The following PIWIL1 variants were observed in gnomAD, a reference collection of about 807,000 sequenced individuals.
The protein encoded by PIWIL1 is piwi-like protein 1.
In PIWIL1, 73 loss-of-function variants were observed where a neutral mutation model predicts 114.4. The ratio of observed to expected loss-of-function variants is 0.64; its 90% CI spans 0.53 to 0.78. PIWIL1 has a LOEUF of 0.78. Ranked by LOEUF, PIWIL1 falls within the 30% of genes least tolerant of loss-of-function variation. The probability of loss-of-function intolerance (pLI) is 0.00; values close to 1 mark genes in which losing one functional copy is unlikely to be tolerated. For missense variants in PIWIL1, 723 were observed against 1,063.1 expected (o/e 0.68, Z 4.45); for synonymous variants, 375 against 369.0 (o/e 1.02, Z -0.19).
At chr12:130,363,942 T>A (rs2073586524) in intron 18 of PIWIL1, among the ~76,000 whole-genome samples, 1 of 152,182 alleles carries the variant, frequency 6.6e-6, no homozygotes, top group African/African-American at 2.4e-5. Flanking sequence ...TTAAGGAATG[T>A]GGACAGCCGA....
rs2073558498 is a variant in PIWIL1, at chr12:130,363,055, T to C, written c.2106T>C (p.Asp702=). ...YMPSRIIVYR[D]GVGDGQLKTL... ...CCAGCCGGATCATCGTGTACCGCGA[T>C]GGCGTAGGAGACGGCCAGCTGAAAA... The change falls in exon 18 of 21, where the codon GAT becomes GAC. Residue 702 remains aspartate, a synonymous_variant. Coordinates refer to ENST00000245255, the MANE Select transcript of PIWIL1 (RefSeq NM_004764.5). The C allele has an allele frequency of 1.2e-6, 2 of 1,614,136 alleles. No homozygotes were observed. Among genetic ancestry groups the C allele is most frequent in the African/African-American group, 1.3e-5 (1 of 74,956 alleles).
chr12:130,422,812 T>G, the PIWIL1 span, among the ~76,000 whole-genome samples: 1 of 152,084 alleles, frequency 6.6e-6, no homozygotes, highest in Non-Finnish European at 1.5e-5. The surrounding 1 kb of genome is among the most constrained non-coding windows in gnomAD (Gnocchi z 5.2). Flanking sequence ...GGGGTCTCTT[T>G]TGGTTGCTGC....
intron 18 of PIWIL1, 77 bp from the exon 19 acceptor site, chr12:130,367,056 C>T (rs73450265): frequency 6.6e-7 from 1 of 1,518,994 alleles, no homozygotes. Context: ...TTAAATGGAG[C>T]ATGTGAACAC....
the PIWIL1 span, among the ~76,000 whole-genome samples, chr12:130,389,156 C>A: frequency 1.3e-5 from 2 of 152,026 alleles, no homozygotes; most frequent in Non-Finnish European, 2.9e-5. Context: ...CTGAGATAAA[C>A]TAACTTGGTT....
chr12:130,357,211 T>C lies in PIWIL1; in HGVS notation c.1592+106T>C, dbSNP rs1106043. ...ACGTTATCTTAATTGAAAGGTTTGATGTGGCTCCCTGTAATGCAGATAAAC... is the reference window on the plus strand; with the variant it reads ...ACGTTATCTTAATTGAAAGGTTTGACGTGGCTCCCTGTAATGCAGATAAAC... On this transcript the variant is annotated intron_variant, in intron 13 of 20. Transcript: ENST00000245255. The C allele has an allele frequency of 0.023, 20,346 of 898,802 alleles. 2,665 individuals are homozygous for C. In the African/African-American group the frequency reaches 0.29, roughly 13 times the overall value. The allele number at this position is 898,802 out of a possible 1,614,324, so 55.7% of individuals were successfully genotyped here.
the PIWIL1 span, among the ~76,000 whole-genome samples, chr12:130,402,869 T>G: frequency 6.6e-6 from 1 of 152,212 alleles, no homozygotes; most frequent in Non-Finnish European, 1.5e-5. Flanking sequence ...ATTTAAGGTT[T>G]CAGATACCGA....
chr12:130,338,852 G>A (rs2072804321), intron 1 of PIWIL1, among the ~76,000 whole-genome samples: 1 of 122,378 alleles, frequency 8.2e-6, no homozygotes, highest in Non-Finnish European at 1.7e-5. Flanking sequence ...TGTAGGGCCG[G>A]GGTGCGGGGG....
the PIWIL1 span, chr12:130,414,631 GC>G: frequency 4.4e-6 from 1 of 225,968 alleles, no homozygotes; most frequent in African/African-American, 2.3e-5. Flanking sequence ...ATGCTGGGGA[GC>G]CTTCCCAGGA....
chr12:130,381,694 G>A, the PIWIL1 span, among the ~76,000 whole-genome samples: 451 of 152,280 alleles, frequency 3.0e-3, 2 homozygotes, highest in South Asian at 7.5e-3. Context: ...AGTGTGCTTC[G>A]TAAGGTAAGA....
At chr12:130,384,135 G>A in the PIWIL1 span, among the ~76,000 whole-genome samples, 1 of 152,224 alleles carries the variant, frequency 6.6e-6, no homozygotes, top group African/African-American at 2.4e-5. Context: ...TTTGGTGAAC[G>A]TTATTAGACT....
At chr12:130,385,764 G>A in the PIWIL1 span, among the ~76,000 whole-genome samples, 12 of 152,148 alleles carry the variant, frequency 7.9e-5, no homozygotes, top group Admixed American at 3.9e-4. Flanking sequence ...GTGGCTCGGG[G>A]CTTTCTGGAT....
chr12:130,370,870 A>C (rs58352075), intron 19 of PIWIL1, among the ~76,000 whole-genome samples: 5,116 of 152,228 alleles, frequency 0.034, 224 homozygotes, highest in African/African-American at 0.1. Context: ...GAAAACAGGA[A>C]CTGGCCAAGT....
At chr12:130,370,173 A>C (rs1008275860) in intron 19 of PIWIL1, among the ~76,000 whole-genome samples, 1 of 152,076 alleles carries the variant, frequency 6.6e-6, no homozygotes, top group Non-Finnish European at 1.5e-5. Flanking sequence ...TCGCAGGGTT[A>C]ATTTCCTTAA....
chr12:130,355,237 A>G (rs1365139910), intron 11 of PIWIL1, among the ~76,000 whole-genome samples: 2 of 152,218 alleles, frequency 1.3e-5, no homozygotes, highest in Non-Finnish European at 2.9e-5. Context: ...TAACTCTTCC[A>G]TTAGCAAAAG....
chr12:130,419,540 T>G, the PIWIL1 span: 1 of 152,246 alleles, frequency 6.6e-6, no homozygotes, highest in Non-Finnish European at 1.5e-5. The surrounding 1 kb of genome is among the most constrained non-coding windows in gnomAD (Gnocchi z 4.3). Flanking sequence ...GCTTTTGATT[T>G]TTTTTATTGC....
At chr12:130,363,250 G>C in intron 18 of PIWIL1, 106 bp downstream of exon 18, 1 of 1,113,430 alleles carries the variant, frequency 9.0e-7, no homozygotes. Flanking sequence ...TAACTTGATA[G>C]GGACTGTAGG....
chr12:130,357,322 C>T (rs183900699), intron 13 of PIWIL1, among the ~76,000 whole-genome samples, 159 bp from the exon 14 acceptor site: 8 of 151,682 alleles, frequency 5.3e-5, no homozygotes, highest in Admixed American at 5.3e-4. Context: ...AAATATTGCT[C>T]GTTTGTATTA....
intron 16 of PIWIL1, among the ~76,000 whole-genome samples, chr12:130,362,200 ATTT>A (rs992972430): frequency 6.6e-6 from 1 of 152,052 alleles, no homozygotes; most frequent in Non-Finnish European, 1.5e-5. Context: ...CCCAGTAGTT[ATTT>A]TTTCTGCTCT....
intron 1 of PIWIL1, among the ~76,000 whole-genome samples, chr12:130,340,621 GT>G: frequency 8.0e-6 from 1 of 125,098 alleles, no homozygotes; most frequent in African/African-American, 3.2e-5. Context: ...GTGGGGGTTG[GT>G]GGTGGTGGTT....
Sources: gnomAD v4.1 joint callset for allele counts (sites outside exome capture counted in the v4.1 genomes callset) on GRCh38, gnomAD v4.1.1 for gene constraint, Gnocchi (gnomAD v3.1) non-coding constraint, MANE v1.5 for transcripts, NCBI Gene and HGNC (gene_info 2026-07-23, HGNC 2026-07-21) for gene names.